The following TMEM143 variants were observed in gnomAD, a reference collection of about 807,000 sequenced individuals.
TMEM143 encodes transmembrane protein 143.
A neutral mutation model predicts 40.3 loss-of-function variants in TMEM143; 45 were observed. The observed-to-expected ratio is 1.12, with a 90% CI of 0.88 to 1.43. The LOEUF (loss-of-function observed/expected upper bound fraction) is 1.43. Ranked by LOEUF, TMEM143 falls within the 40% of genes most tolerant of loss-of-function variation. The pLI, the probability that TMEM143 is intolerant of heterozygous loss-of-function variation, is 0.00. For missense variants in TMEM143, 620 were observed against 613.4 expected, an observed-to-expected ratio of 1.01 and a Z score of -0.11; for synonymous variants, 299 against 282.7, an observed-to-expected ratio of 1.06 and a Z score of -0.58.
At chr19:48,360,789 T>A (rs1354456887) in intron 2 of TMEM143, among the ~76,000 whole-genome samples, 1 of 151,962 alleles carries the variant, frequency 6.6e-6, no homozygotes, top group Non-Finnish European at 1.5e-5. Flanking sequence ...GATGGAATTA[T>A]TATTATTATT....
chr19:48,357,578 G>A (rs547855747), intron 3 of TMEM143, among the ~76,000 whole-genome samples: 4 of 150,518 alleles, frequency 2.7e-5, no homozygotes, highest in East Asian at 2.0e-4. Context: ...GGATGGTCTC[G>A]ATCTCCTGAC....
chr19:48,342,351 G>T (rs1327397137), intron 6 of TMEM143, among the ~76,000 whole-genome samples, 179 bp downstream of exon 6: 1 of 110,828 alleles, frequency 9.0e-6, no homozygotes, highest in Admixed American at 8.5e-5. Flanking sequence ...TGGGAAGGAA[G>T]GAAGGACAGG....
intron 3 of TMEM143, among the ~76,000 whole-genome samples, chr19:48,346,923 AACTT>A (rs1969648747): frequency 6.6e-6 from 1 of 152,118 alleles, no homozygotes; most frequent in East Asian, 1.9e-4. Context: ...CATTGGGAAG[AACTT>A]ACTGAGGCTG....
intron 2 of TMEM143, 75 bp from the exon 3 acceptor site, chr19:48,360,251 G>T: frequency 7.1e-7 from 1 of 1,411,526 alleles, no homozygotes; most frequent in Non-Finnish European, 9.9e-7. Flanking sequence ...TTCCCTGGCT[G>T]CCTAACTACA....
intron 5 of TMEM143, 55 bp downstream of exon 5, chr19:48,343,266 C>T: frequency 6.3e-7 from 1 of 1,576,870 alleles, no homozygotes; most frequent in South Asian, 1.2e-5. Context: ...TCAGTCCCCT[C>T]TTGACTCTAA....
In TMEM143 at chr19:48,334,144, G is replaced by A. The variant is rs1357308364; in HGVS notation, c.1029C>T (p.Tyr343=). Residue 343 remains tyrosine, a synonymous_variant, in exon 7 of 8, where the codon TAC becomes TAT. Transcript: ENST00000293261. ...CCGAGTTGTTGGACGTACTGCGATA[G>A]TACAGCATGTGCGCCAGCTCCAACG... ...AQALELAHML[Y]YRSTSNNSEL... is the part of the protein sequence containing the mutation. 4 of 1,608,466 alleles carry A rather than the reference G, an allele frequency of 2.5e-6. No homozygotes were observed. Among genetic ancestry groups the A allele is most frequent in the Admixed American group, 3.4e-5 (2 of 59,510 alleles).
intron 6 of TMEM143, among the ~76,000 whole-genome samples, chr19:48,334,426 CTTTCTTTCTT>C (rs1569022262): frequency 1.2e-4 from 6 of 49,956 alleles, no homozygotes; most frequent in African/African-American, 2.3e-4. Flanking sequence ...CTCTTTCTTT[CTTTCTTTCTT>C]TCTTTCTTTC....
At chr19:48,353,490 C>G (rs1273460685) in intron 3 of TMEM143, among the ~76,000 whole-genome samples, 1 of 151,672 alleles carries the variant, frequency 6.6e-6, no homozygotes, top group Non-Finnish European at 1.5e-5. Flanking sequence ...GGCCCAACAA[C>G]AAACGATTTT....
intron 2 of TMEM143, among the ~76,000 whole-genome samples, chr19:48,361,222 C>CT (rs71294400): frequency 0.031 from 4,376 of 140,590 alleles, 167 homozygotes; most frequent in Middle Eastern, 0.13. Context: ...GAACCATTTC[C>CT]TTTTTTTTTT....
chr19:48,350,825 G>A (rs1308546941), intron 3 of TMEM143, among the ~76,000 whole-genome samples: 1 of 150,786 alleles, frequency 6.6e-6, no homozygotes, highest in Non-Finnish European at 1.5e-5. Flanking sequence ...GGGAGACTGA[G>A]GCAGGAGAAT....
At chr19:48,353,041 G>A (rs746317917) in intron 3 of TMEM143, among the ~76,000 whole-genome samples, 2 of 152,070 alleles carry the variant, frequency 1.3e-5, no homozygotes, top group Non-Finnish European at 2.9e-5. Context: ...AAAAGAGTCT[G>A]TACATGTTCA....
Position 48,339,152 on chromosome 19 carries a change from G to A in TMEM143, c.975+3378C>T, listed in dbSNP as rs538819404. ...AATGGGCTGGAAGGGACCAACTGGAGGCTGGGAAGAGGGCCTGAGCAGGGG... is the reference window on the plus strand; with the variant it reads ...AATGGGCTGGAAGGGACCAACTGGAAGCTGGGAAGAGGGCCTGAGCAGGGG... On this transcript the variant is annotated intron_variant, in intron 6 of 7. Transcript: ENST00000293261. Among the ~76,000 whole-genome samples the A allele has an allele frequency of 1.4e-4, 22 of 152,276 alleles. No homozygotes were observed. In the East Asian group the frequency reaches 2.7e-3, roughly 19 times the overall value.
chr19:48,351,696 C>A (rs1179450932), intron 3 of TMEM143, among the ~76,000 whole-genome samples: 1 of 152,130 alleles, frequency 6.6e-6, no homozygotes, highest in Non-Finnish European at 1.5e-5. Context: ...AGGGCCTTTG[C>A]ACGTGGAGTT....
chr19:48,361,535 CTTTT>C (rs59788731), intron 2 of TMEM143, among the ~76,000 whole-genome samples: 1 of 138,370 alleles, frequency 7.2e-6, no homozygotes, highest in African/African-American at 2.7e-5. Context: ...ACTTCTTCTT[CTTTT>C]TTTTTTTTTG....
At position 48,333,212 on chromosome 19, in the gene TMEM143, G is replaced by A. The variant is rs772414289; in HGVS notation, c.*7C>T. 6.9e-7 allele frequency: 1 copy of A among 1,457,648 alleles called. No homozygotes were observed. The highest frequency in any genetic ancestry group is 1.5e-5 in the South Asian group (1 of 68,640). 90.3% of individuals were successfully genotyped at this position (1,457,648 alleles called of 1,614,324 possible). On this transcript the variant is annotated 3_prime_UTR_variant, in exon 8 of 8. Coordinates refer to ENST00000293261, the MANE Select transcript of TMEM143 (RefSeq NM_018273.4). The surrounding 1 kb of genome is among the most constrained non-coding windows in gnomAD (Gnocchi z 4.1). ...GCCTGCTGACTGGGCAGGGAGGTAG[G>A]TTCTACTCAGGAGATGTTACTGCTG...
At chr19:48,351,466 G>A (rs569644692) in intron 3 of TMEM143, among the ~76,000 whole-genome samples, 1 of 152,204 alleles carries the variant, frequency 6.6e-6, no homozygotes, top group African/African-American at 2.4e-5. Flanking sequence ...GCGCCAGTTT[G>A]CACCTACAGC....
At position 48,342,539 on chromosome 19, in the gene TMEM143, C is replaced by T. The variant is rs1259647206; in HGVS notation, c.966G>A (p.Arg322=). The change falls in exon 6 of 8, where the codon CGG becomes CGA. Residue 322 remains arginine (R), a synonymous_variant. Transcript: ENST00000293261. ...LLLFAIFMGL[R]ASKMFGQRRS... is the part of the protein sequence containing the mutation. ...GCAGGCGCATGCTCACCTTGGAGGC[C>T]CGCAGGCCCATGAAGATGGCGAAGA... 2 of 1,607,346 alleles carry T rather than the reference C, an allele frequency of 1.2e-6. No homozygotes were observed. The highest frequency in any genetic ancestry group is 3.4e-5 in the Admixed American group (2 of 59,288).
chr19:48,344,881 T>C (rs1600906825), intron 4 of TMEM143, among the ~76,000 whole-genome samples: 1 of 152,172 alleles, frequency 6.6e-6, no homozygotes, highest in African/African-American at 2.4e-5. Context: ...TAATTTTTTA[T>C]ATTTTTAGTA....
chr19:48,363,271 G>C lies in TMEM143; in HGVS notation c.264+20C>G. 4 of 1,602,368 alleles carry C rather than the reference G, an allele frequency of 2.5e-6. No individual in the cohort carries two copies. Among genetic ancestry groups the C allele is most frequent in the African/African-American group, 1.3e-5 (1 of 74,426 alleles). On this transcript the variant is annotated intron_variant, in intron 2 of 7. Coordinates refer to ENST00000293261, the MANE Select transcript of TMEM143 (RefSeq NM_018273.4). ...TGGGAGCCGTAGTCCCCAGGCTCTT[G>C]GGCCTGGGACAGGCGGTACCTGTAT...
Sources: allele counts gnomAD v4.1 joint callset (sites outside exome capture counted in the v4.1 genomes callset), GRCh38; gene constraint gnomAD v4.1.1; non-coding constraint Gnocchi (gnomAD v3.1); transcripts MANE v1.5; gene names NCBI Gene and HGNC (gene_info 2026-07-23, HGNC 2026-07-21).